Variants in EDIL3 observed in about 807,000 individuals in gnomAD.
EDIL3 encodes EGF like and discoidin domains 3, also known as EGF-like repeat and discoidin I-like domain-containing protein 3.
Under a neutral mutation model 67.4 loss-of-function variants are expected in EDIL3, and 37 were observed. The ratio of observed to expected loss-of-function variants is 0.55; its 90% CI spans 0.42 to 0.72. EDIL3 has a LOEUF of 0.72. Among genes scored for constraint, EDIL3 ranks in the 30% least tolerant of loss-of-function variants. The pLI, the probability that EDIL3 is intolerant of heterozygous loss-of-function variation, is 0.00. For synonymous variants in EDIL3, 195 were observed against 196.3 expected, an observed-to-expected ratio of 0.99 and a Z score of 0.05; for missense variants, 527 against 586.3, an observed-to-expected ratio of 0.90 and a Z score of 1.04.
intron 1 of EDIL3, among the ~76,000 whole-genome samples, chr5:84,259,545 T>G (rs1745186762): frequency 6.6e-6 from 1 of 152,202 alleles, no homozygotes; most frequent in Admixed American, 6.5e-5. Flanking sequence ...CATGCCGATT[T>G]GCTTTTTGGC....
chr5:84,309,922 CT>C (rs1309268488), intron 1 of EDIL3, among the ~76,000 whole-genome samples: 1 of 152,180 alleles, frequency 6.6e-6, no homozygotes, highest in Non-Finnish European at 1.5e-5. Context: ...GCCACACTGA[CT>C]TCCACAATGG....
chr5:84,057,561 A>G (rs1338974822), intron 9 of EDIL3, among the ~76,000 whole-genome samples: 1 of 152,122 alleles, frequency 6.6e-6, no homozygotes, highest in African/African-American at 2.4e-5. Context: ...TGGAAAGGAG[A>G]TTTTCTTCAA....
chr5:84,171,751 A>T (rs1326354022), intron 4 of EDIL3, among the ~76,000 whole-genome samples: 2 of 152,196 alleles, frequency 1.3e-5, no homozygotes, highest in Non-Finnish European at 2.9e-5. Context: ...GTTCTAGAAC[A>T]CTGATTTTCA....
intron 9 of EDIL3, among the ~76,000 whole-genome samples, chr5:84,046,294 C>A (rs1243009278): frequency 6.6e-6 from 1 of 152,130 alleles, no homozygotes; most frequent in Non-Finnish European, 1.5e-5. Context: ...CCACCAGGAG[C>A]TCTTATTCAA....
At chr5:84,222,679 C>T (rs1022513018) in intron 3 of EDIL3, among the ~76,000 whole-genome samples, 1 of 151,646 alleles carries the variant, frequency 6.6e-6, no homozygotes, top group Non-Finnish European at 1.5e-5. Context: ...TTTTGATATC[C>T]TAACATGTGT....
At chr5:84,318,233 C>G (rs1415163404) in intron 1 of EDIL3, among the ~76,000 whole-genome samples, 1 of 152,082 alleles carries the variant, frequency 6.6e-6, no homozygotes, top group Non-Finnish European at 1.5e-5. Flanking sequence ...CCATACTGCC[C>G]AAATTAATTT....
chr5:84,324,670 C>T (rs1446233863), intron 1 of EDIL3, among the ~76,000 whole-genome samples: 1 of 150,730 alleles, frequency 6.6e-6, no homozygotes, highest in East Asian at 1.9e-4. Context: ...TTTAACTAGA[C>T]AAACTAAGAA....
At chr5:84,132,305 A>T (rs184699465) in intron 5 of EDIL3, among the ~76,000 whole-genome samples, 1 of 70,882 alleles carries the variant, frequency 1.4e-5, no homozygotes, top group African/African-American at 4.6e-5. Context: ...TTTATATATA[A>T]TATATATTAT....
intron 3 of EDIL3, among the ~76,000 whole-genome samples, chr5:84,220,528 A>G (rs1246602382): frequency 6.6e-6 from 1 of 152,176 alleles, no homozygotes; most frequent in Non-Finnish European, 1.5e-5. Context: ...AGTATAGAAA[A>G]ATAACCATGA....
rs537310976 is a variant in EDIL3 at position 84,066,999 on chromosome 5, T to G, written c.652-393A>C. Among the ~76,000 whole-genome samples the G allele has an allele frequency of 2.0e-5, 3 of 152,304 alleles. No homozygotes were observed. The South Asian group carries it at 6.2e-4, about 32-fold the overall frequency. ...TTGTCAACATAACTATTAATGTGTA[T>G]AAACTGATTTAAGCTTCTAGAAATT... On this transcript the variant is annotated intron_variant, in intron 6 of 10. Transcript: ENST00000296591.
intron 8 of EDIL3, 66 bp from the exon 9 acceptor site, chr5:84,060,550 T>C: frequency 6.4e-7 from 1 of 1,560,308 alleles, no homozygotes; most frequent in Middle Eastern, 1.7e-4. Context: ...TCTGCATTCA[T>C]TTTGGATAGG....
At chr5:83,946,492 T>C (rs913222889) in intron 10 of EDIL3, among the ~76,000 whole-genome samples, 9 of 151,932 alleles carry the variant, frequency 5.9e-5, no homozygotes, top group African/African-American at 2.2e-4. Flanking sequence ...CTTGATTTTC[T>C]TTTTCCTAAG....
intron 1 of EDIL3, among the ~76,000 whole-genome samples, chr5:84,262,767 G>A (rs1308109953): frequency 1.4e-5 from 2 of 138,788 alleles, no homozygotes; most frequent in Non-Finnish European, 3.0e-5. Context: ...CGCCTCCCAG[G>A]TCAGGCAATT....
intron 2 of EDIL3, among the ~76,000 whole-genome samples, chr5:84,230,443 T>C (rs1479741702): frequency 6.6e-6 from 1 of 151,960 alleles, no homozygotes; most frequent in Non-Finnish European, 1.5e-5. Flanking sequence ...GTTTCACTCT[T>C]GTTGCCCAGG....
intron 1 of EDIL3, among the ~76,000 whole-genome samples, chr5:84,270,145 T>C (rs564414921): frequency 6.6e-6 from 1 of 152,340 alleles, no homozygotes; most frequent in Admixed American, 6.5e-5. Flanking sequence ...TTTTCTACAA[T>C]TATATGCACT....
At chr5:83,999,716 A>C (rs949150103) in intron 9 of EDIL3, among the ~76,000 whole-genome samples, 2 of 152,184 alleles carry the variant, frequency 1.3e-5, no homozygotes, top group Non-Finnish European at 2.9e-5. Context: ...AGATAGGAGT[A>C]GAAAGTTTAT....
intron 10 of EDIL3, 93 bp downstream of exon 10, chr5:83,963,112 T>C: frequency 7.2e-7 from 1 of 1,392,756 alleles, no homozygotes. Context: ...GATACTATTT[T>C]CAGTACAGAT....
intron 2 of EDIL3, among the ~76,000 whole-genome samples, chr5:84,245,835 C>A (rs1410973033): frequency 6.6e-6 from 1 of 150,432 alleles, no homozygotes; most frequent in Non-Finnish European, 1.5e-5. Context: ...CAAGTGATTT[C>A]AGGTTAGGAG....
At position 84,060,294 on chromosome 5, in the gene EDIL3, C is replaced by T. The variant is rs201797393; in HGVS notation, c.1137+6G>A. Reference sequence around the variant, plus strand: ...TGGGTAGTGAAACAGTTTTGGAAAACTTTACCTGTAACCATTGTGACTGGT... The same window carrying T: ...TGGGTAGTGAAACAGTTTTGGAAAATTTTACCTGTAACCATTGTGACTGGT... On this transcript the variant is annotated splice_donor_region_variant and intron_variant, in intron 9 of 10. Coordinates refer to ENST00000296591, the MANE Select transcript of EDIL3 (RefSeq NM_005711.5). 6.8e-5 allele frequency: 110 copies of T among 1,612,276 alleles called. 1 individual carries two copies. The East Asian group carries it at 1.6e-3, about 24-fold the overall frequency.
Sources: gnomAD v4.1 joint callset for allele counts (sites outside exome capture counted in the v4.1 genomes callset) on GRCh38, gnomAD v4.1.1 for gene constraint, MANE v1.5 for transcripts, NCBI Gene and HGNC (gene_info 2026-07-23, HGNC 2026-07-21) for gene names.